MACROD2: variants seen among roughly 807,000 people sequenced by gnomAD.
MACROD2 encodes mono-ADP ribosylhydrolase 2.
Under a neutral mutation model 70.4 loss-of-function variants are expected in MACROD2, and 36 were observed. The ratio of observed to expected loss-of-function variants is 0.51; its 90% CI spans 0.39 to 0.68. The LOEUF is 0.68. Among genes scored for constraint, MACROD2 ranks in the 30% least tolerant of loss-of-function variants. The pLI is 0.00. For missense variants in MACROD2, 496 were observed against 538.4 expected (o/e 0.92, Z 0.78); for synonymous variants, 172 against 178.8 (o/e 0.96, Z 0.30).
intron 10 of MACROD2, among the ~76,000 whole-genome samples, chr20:15,895,491 G>A (rs535846470): frequency 3.9e-5 from 6 of 152,330 alleles, no homozygotes; most frequent in South Asian, 2.1e-4. Context: ...GGCAGGCAGC[G>A]GTGGATGATT....
chr20:15,559,507 C>G (rs1007513623), intron 8 of MACROD2, among the ~76,000 whole-genome samples: 15 of 152,186 alleles, frequency 9.9e-5, no homozygotes, highest in Non-Finnish European at 2.2e-4. Context: ...ACCCATTTCC[C>G]ATATTCTTGC....
intron 8 of MACROD2, among the ~76,000 whole-genome samples, chr20:15,857,183 G>C (rs145634943): frequency 0.015 from 2,219 of 152,288 alleles, 23 homozygotes; most frequent in Middle Eastern, 0.037. Flanking sequence ...TGACTGAATA[G>C]AAAAGCTTCT....
intron 8 of MACROD2, among the ~76,000 whole-genome samples, chr20:15,776,374 G>T (rs895377174): frequency 1.3e-5 from 2 of 152,086 alleles, no homozygotes; most frequent in East Asian, 3.8e-4. Flanking sequence ...CCAGAGTGAT[G>T]GACTGTGTTT....
At chr20:14,185,253 T>G (rs1234151994) in intron 3 of MACROD2, among the ~76,000 whole-genome samples, 1 of 152,152 alleles carries the variant, frequency 6.6e-6, no homozygotes, top group Admixed American at 6.6e-5. Flanking sequence ...GCTATGCTAA[T>G]CTGGAAAAGA....
intron 3 of MACROD2, among the ~76,000 whole-genome samples, chr20:14,150,831 TA>T (rs1813964427): frequency 6.6e-6 from 1 of 152,174 alleles, no homozygotes; most frequent in Non-Finnish European, 1.5e-5. Context: ...ATTATGAATT[TA>T]CCAGTACAGG....
Position 15,258,019 on chromosome 20 carries a change from G to A in MACROD2, c.540+27958G>A, listed in dbSNP as rs553040870. On this transcript the variant is annotated intron_variant, in intron 6 of 17. Coordinates refer to ENST00000684519, the MANE Select transcript of MACROD2 (RefSeq NM_001351661.2). The stretch of plus-strand genomic sequence containing the variant: ...GGCTAATGTGTGAGTTTGTGTCTTG[G>A]TTTTTAACAAAAAGTTCAAAAGTTT... Among the ~76,000 whole-genome samples, 6 of 151,452 alleles carry A rather than the reference G, an allele frequency of 4.0e-5. No individual in the cohort carries two copies. The East Asian group carries it at 9.7e-4, about 24-fold the overall frequency.
chr20:15,251,019 C>G (rs2026631609), intron 6 of MACROD2, among the ~76,000 whole-genome samples: 1 of 151,928 alleles, frequency 6.6e-6, no homozygotes, highest in Non-Finnish European at 1.5e-5. Flanking sequence ...GTAGTTTTTC[C>G]AAGAGAGAGT....
At chr20:14,037,986 G>C (rs2053339351) in intron 2 of MACROD2, among the ~76,000 whole-genome samples, 1 of 151,918 alleles carries the variant, frequency 6.6e-6, no homozygotes, top group South Asian at 2.1e-4. Flanking sequence ...CGAGATAACT[G>C]TCTCAATTAA....
intron 8 of MACROD2, among the ~76,000 whole-genome samples, chr20:15,590,979 G>A (rs2048671028): frequency 6.6e-6 from 1 of 150,568 alleles, no homozygotes; most frequent in Non-Finnish European, 1.5e-5. Context: ...AAGAAAGAAA[G>A]AAAAGAAGAG....
intron 5 of MACROD2, among the ~76,000 whole-genome samples, chr20:14,941,154 C>T (rs1488056383): frequency 1.3e-5 from 2 of 152,064 alleles, no homozygotes; most frequent in Non-Finnish European, 2.9e-5. Context: ...TCCATTTCTT[C>T]TAGGTTTTCC....
intron 8 of MACROD2, among the ~76,000 whole-genome samples, chr20:15,617,812 G>A (rs1252325877): frequency 6.6e-6 from 1 of 152,198 alleles, no homozygotes; most frequent in Non-Finnish European, 1.5e-5. Context: ...GGTTGTGTTA[G>A]GTAGGGAAGG....
intron 15 of MACROD2, among the ~76,000 whole-genome samples, chr20:16,030,245 G>T (rs1438390966): frequency 6.6e-6 from 1 of 152,162 alleles, no homozygotes; most frequent in Non-Finnish European, 1.5e-5. Flanking sequence ...AATTTGGGGG[G>T]AACCTGGGCT....
intron 5 of MACROD2, among the ~76,000 whole-genome samples, chr20:14,731,796 C>A (rs1347096476): frequency 6.6e-6 from 1 of 152,050 alleles, no homozygotes; most frequent in Admixed American, 6.6e-5. Context: ...ACAGGTGATA[C>A]CTTAACATAT....
rs531724390 is a variant in MACROD2, at chr20:15,374,502, C to CCACATAAGATTCAA, written c.541-56890_541-56889insACACATAAGATTCA. On this transcript the variant is annotated intron_variant, in intron 6 of 17. Coordinates refer to ENST00000684519, the MANE Select transcript of MACROD2 (RefSeq NM_001351661.2). ...ATTTATATCTTTACATGTTTACCTTCCACATAAGATTCATTTGAAGAAGAG... is the reference window on the plus strand; with the variant it reads ...ATTTATATCTTTACATGTTTACCTTCCACATAAGATTCAACACATAAGATTCATTTGAAGAAGAG... 1.4e-4 allele frequency among the ~76,000 whole-genome samples: 21 copies of CCACATAAGATTCAA among 152,200 alleles called. No homozygotes were observed. In the East Asian group the frequency reaches 3.7e-3, roughly 27 times the overall value.
At chr20:14,336,851 C>T (rs569240391) in intron 3 of MACROD2, among the ~76,000 whole-genome samples, 2 of 152,282 alleles carry the variant, frequency 1.3e-5, no homozygotes, top group Non-Finnish European at 2.9e-5. Context: ...AGCTCAGGCA[C>T]GATAGCAGTG....
chr20:14,604,620 C>T (rs1982689126), intron 4 of MACROD2, among the ~76,000 whole-genome samples: 1 of 152,168 alleles, frequency 6.6e-6, no homozygotes, highest in South Asian at 2.1e-4. Flanking sequence ...TGGTATTCTC[C>T]CTTTCCTTAA....
chr20:15,686,422 A>G (rs550438368), intron 8 of MACROD2, among the ~76,000 whole-genome samples: 25 of 152,170 alleles, frequency 1.6e-4, no homozygotes, highest in Non-Finnish European at 3.5e-4. Context: ...GTTGCCAGGA[A>G]AATGCCATTA....
At chr20:15,357,469 C>G (rs2078300921) in intron 6 of MACROD2, among the ~76,000 whole-genome samples, 1 of 151,944 alleles carries the variant, frequency 6.6e-6, no homozygotes, top group African/African-American at 2.4e-5. Flanking sequence ...GTGGCAGGTA[C>G]ACAATTTTTA....
In MACROD2 at chr20:15,023,772, G is replaced by A. The variant is rs115009889; in HGVS notation, c.419-206168G>A. On this transcript the variant is annotated intron_variant, in intron 5 of 17. Coordinates refer to ENST00000684519, the MANE Select transcript of MACROD2 (RefSeq NM_001351661.2). ...CTTCCCATAGATTCGCTCCTATGACGTGGGAATTCTGGGGGCTGCAATTCA... is the reference window on the plus strand; with the variant it reads ...CTTCCCATAGATTCGCTCCTATGACATGGGAATTCTGGGGGCTGCAATTCA... 6.8e-3 allele frequency among the ~76,000 whole-genome samples: 1,042 copies of A among 152,214 alleles called. 10 individuals carry two copies. The highest frequency in any genetic ancestry group is 0.024 in the African/African-American group (990 of 41,532).
Sources: allele counts gnomAD v4.1 joint callset (sites outside exome capture counted in the v4.1 genomes callset), GRCh38; gene constraint gnomAD v4.1.1; transcripts MANE v1.5; gene names NCBI Gene and HGNC (gene_info 2026-07-23, HGNC 2026-07-21).